Variants in ADAMTSL1 observed in about 807,000 individuals in gnomAD.
ADAMTSL1 encodes the protein ADAMTS-like protein 1.
ADAMTSL1 carries 126 observed loss-of-function variants against 201.8 expected under a neutral mutation model. That is an observed-to-expected ratio of 0.62 (90% CI 0.54 to 0.72). The LOEUF (loss-of-function observed/expected upper bound fraction) is 0.72, where lower values mean the gene tolerates loss of function less well. Among genes scored for constraint, ADAMTSL1 ranks in the 30% least tolerant of loss-of-function variants. The pLI is 0.00. For missense variants in ADAMTSL1, 2,679 were observed against 2,277.8 expected (o/e 1.18, Z -3.59); for synonymous variants, 1,121 against 903.4 (o/e 1.24, Z -4.32).
At chr9:18,255,585 G>C (rs1264593919) in intron 2 of ADAMTSL1, among the ~76,000 whole-genome samples, 1 of 152,192 alleles carries the variant, frequency 6.6e-6, no homozygotes, top group Non-Finnish European at 1.5e-5. Context: ...TACATTACAG[G>C]ATATGTATGA....
At chr9:18,263,907 A>G (rs1285255871) in intron 2 of ADAMTSL1, among the ~76,000 whole-genome samples, 1 of 152,200 alleles carries the variant, frequency 6.6e-6, no homozygotes, top group Non-Finnish European at 1.5e-5. Context: ...TAGCTTCCAG[A>G]ACTGTGACAA....
At chr9:17,921,814 G>A (rs1024159864) in intron 1 of ADAMTSL1, among the ~76,000 whole-genome samples, 4 of 152,062 alleles carry the variant, frequency 2.6e-5, no homozygotes, top group African/African-American at 9.7e-5. Flanking sequence ...CCTTCTGGTT[G>A]CCAAACACAA....
intron 1 of ADAMTSL1, among the ~76,000 whole-genome samples, chr9:17,972,656 T>G (rs1257175090): frequency 6.6e-6 from 1 of 151,804 alleles, no homozygotes; most frequent in African/African-American, 2.4e-5. Context: ...GAGCATGATT[T>G]ATAGTCCTTT....
intron 2 of ADAMTSL1, among the ~76,000 whole-genome samples, chr9:18,202,183 G>T (rs151049207): frequency 2.4e-4 from 37 of 152,220 alleles, no homozygotes; most frequent in Middle Eastern, 6.8e-3. Context: ...AAAATCGTTA[G>T]TGTAAAGTCA....
intron 2 of ADAMTSL1, among the ~76,000 whole-genome samples, chr9:18,446,135 C>T (rs1448336942): frequency 6.6e-6 from 1 of 152,024 alleles, no homozygotes; most frequent in Non-Finnish European, 1.5e-5. Flanking sequence ...TTACCTCTAG[C>T]AGAAAGGTAG....
At chr9:18,870,935 C>G (rs76536464) in intron 23 of ADAMTSL1, among the ~76,000 whole-genome samples, 1,922 of 152,232 alleles carry the variant, frequency 0.013, 51 homozygotes, top group African/African-American at 0.044. Context: ...TCTATTCATT[C>G]TGTTTTGCAA....
At chr9:18,273,568 T>A (rs1024327930) in intron 2 of ADAMTSL1, among the ~76,000 whole-genome samples, 59 of 152,196 alleles carry the variant, frequency 3.9e-4, no homozygotes, top group Admixed American at 1.2e-3. Context: ...CTGGTTACAT[T>A]TATCTTCCAA....
At chr9:18,571,244 T>C (rs1317896045) in intron 3 of ADAMTSL1, among the ~76,000 whole-genome samples, 1 of 152,216 alleles carries the variant, frequency 6.6e-6, no homozygotes, top group Non-Finnish European at 1.5e-5. Flanking sequence ...AAATTTTCCC[T>C]GGTTCATATT....
intron 19 of ADAMTSL1, among the ~76,000 whole-genome samples, chr9:18,788,642 C>T (rs982119148): frequency 7.2e-5 from 11 of 152,112 alleles, no homozygotes; most frequent in Middle Eastern, 3.2e-3. Context: ...TACTAGCACC[C>T]GCTCCCGCTT....
chr9:18,278,889 T>A (rs1832684909), intron 2 of ADAMTSL1, among the ~76,000 whole-genome samples: 1 of 152,170 alleles, frequency 6.6e-6, no homozygotes, highest in South Asian at 2.1e-4. Context: ...ACTGGGTAAT[T>A]TCAAATGACC....
At chr9:17,935,785 A>G (rs1273350899) in intron 1 of ADAMTSL1, among the ~76,000 whole-genome samples, 1 of 152,192 alleles carries the variant, frequency 6.6e-6, no homozygotes, top group Non-Finnish European at 1.5e-5. Flanking sequence ...TTATTAGAAA[A>G]GTGCTTTACA....
chr9:18,871,771 C>A (rs925346477), intron 23 of ADAMTSL1, among the ~76,000 whole-genome samples: 5 of 152,192 alleles, frequency 3.3e-5, no homozygotes, highest in Non-Finnish European at 7.4e-5. Flanking sequence ...TCCATCAGAG[C>A]TGCTTTTGCA....
At chr9:18,493,235 T>C (rs1424755864) in intron 1 of ADAMTSL1, among the ~76,000 whole-genome samples, 1 of 152,232 alleles carries the variant, frequency 6.6e-6, no homozygotes, top group Non-Finnish European at 1.5e-5. Context: ...CAGATTTGCT[T>C]CTATCAGGTT....
chr9:18,160,930 C>T (rs1369697297), intron 1 of ADAMTSL1, among the ~76,000 whole-genome samples: 1 of 150,380 alleles, frequency 6.6e-6, no homozygotes, highest in African/African-American at 2.4e-5. Context: ...TCAAGCATTC[C>T]TCGTGCCTCA....
intron 1 of ADAMTSL1, among the ~76,000 whole-genome samples, chr9:18,034,896 A>C (rs1426772684): frequency 6.6e-6 from 1 of 152,162 alleles, no homozygotes; most frequent in Non-Finnish European, 1.5e-5. Context: ...TGTTCTAACA[A>C]ATATATTTTA....
intron 2 of ADAMTSL1, among the ~76,000 whole-genome samples, chr9:18,388,368 G>A (rs75997612): frequency 3.3e-5 from 5 of 151,594 alleles, no homozygotes; most frequent in African/African-American, 1.2e-4. Context: ...TTACCTCCTC[G>A]GTTCAAGCAA....
At chr9:18,307,903 C>T (rs1395543315) in intron 2 of ADAMTSL1, among the ~76,000 whole-genome samples, 3 of 152,152 alleles carry the variant, frequency 2.0e-5, no homozygotes, top group Non-Finnish European at 4.4e-5. Flanking sequence ...TTCTTTTCAG[C>T]ACCACATAAC....
intron 13 of ADAMTSL1, among the ~76,000 whole-genome samples, chr9:18,688,689 A>AAAAAAAAAATATAT (rs1554730404): frequency 1.2e-4 from 1 of 8,652 alleles, no homozygotes; most frequent in African/African-American, 3.7e-4. Context: ...AAAAAAAAAA[A>AAAAAAAAAATATAT]ATATATATAT....
chr9:17,929,512 G>C (rs1204292484), intron 1 of ADAMTSL1, among the ~76,000 whole-genome samples: 1 of 151,908 alleles, frequency 6.6e-6, no homozygotes, highest in Admixed American at 6.6e-5. Flanking sequence ...TAGCTCCCCA[G>C]GTTCCCTCAC....
Sources: allele counts gnomAD v4.1 joint callset (sites outside exome capture counted in the v4.1 genomes callset), GRCh38; gene constraint gnomAD v4.1.1; transcripts MANE v1.5; gene names NCBI Gene and HGNC (gene_info 2026-07-23, HGNC 2026-07-21).